Variants in IFRD1 observed in about 807,000 individuals in gnomAD.
IFRD1 encodes the protein interferon-related developmental regulator 1.
A neutral mutation model predicts 52.9 loss-of-function variants in IFRD1; 35 were observed. The observed-to-expected ratio is 0.66, with a 90% CI of 0.51 to 0.88. The LOEUF (loss-of-function observed/expected upper bound fraction) is 0.88, where lower values mean the gene tolerates loss of function less well. IFRD1 is among the 40% of genes least tolerant of loss of function. The probability of loss-of-function intolerance (pLI) is 0.00; values close to 1 mark genes in which losing one functional copy is unlikely to be tolerated. For missense variants in IFRD1, 517 were observed against 550.8 expected, an observed-to-expected ratio of 0.94 and a Z score of 0.61; for synonymous variants, 184 against 188.4, an observed-to-expected ratio of 0.98 and a Z score of 0.19.
Position 112,456,129 on chromosome 7 carries a change from G to C in IFRD1, c.284+43G>C, listed in dbSNP as rs755383945. The C allele has an allele frequency of 2.8e-6, 3 of 1,069,710 alleles. No individual in the cohort carries two copies. The Admixed American group carries it at 5.1e-5, about 18-fold the overall frequency. The allele number at this position is 1,069,710 out of a possible 1,614,324, so 66.3% of individuals were successfully genotyped here. A position where few individuals can be genotyped will look rare whatever the true frequency, so the allele number is the denominator to read the frequency against. ...CTCCATTCTGTGTGAGTCTATGCTT[G>C]ATCTTAGTCAAAAGCTAAGAGAAAT... On this transcript the variant is annotated intron_variant, in intron 3 of 11. Coordinates refer to ENST00000403825, the MANE Select transcript of IFRD1 (RefSeq NM_001550.4).
intron 1 of IFRD1, chr7:112,437,259 T>C (rs1794724139): frequency 6.5e-6 from 1 of 154,826 alleles, no homozygotes; most frequent in South Asian, 2.0e-4. Flanking sequence ...TCAAAAAATA[T>C]GTATGGAGTG....
intron 1 of IFRD1, among the ~76,000 whole-genome samples, chr7:112,436,292 ACGTTTT>A (rs1794689331): frequency 6.6e-6 from 1 of 152,238 alleles, no homozygotes; most frequent in East Asian, 1.9e-4. Flanking sequence ...TTCAAGGAAC[ACGTTTT>A]AACTATGAAT....
Position 112,475,506 on chromosome 7 carries a change from G to A in IFRD1, c.1343G>A (p.Gly448Glu). The A allele has an allele frequency of 6.2e-7, 1 of 1,601,806 alleles. No individual in the cohort carries two copies. Among genetic ancestry groups the A allele is most frequent in the East Asian group, 2.2e-5 (1 of 44,752 alleles). The change falls in exon 12 of 12, where the codon GGA becomes GAA. Residue 448 changes from glycine (G) to glutamate (E), a missense_variant. Transcript: ENST00000403825. Reference sequence around the variant, plus strand: ...TGTCGAGATAAGAGAGCAGATGTTGGAGAATTCTTCTAGATTTTCAGAACT... The same window carrying A: ...TGTCGAGATAAGAGAGCAGATGTTGAAGAATTCTTCTAGATTTTCAGAACT... ...SKCRDKRADV[G>E]EFF
At chr7:112,465,772 A>G (rs1014773130) in intron 8 of IFRD1, among the ~76,000 whole-genome samples, 13 of 152,142 alleles carry the variant, frequency 8.5e-5, no homozygotes, top group African/African-American at 3.1e-4. Flanking sequence ...TGCAAAACCT[A>G]TGTCTTAAAT....
intron 1 of IFRD1, among the ~76,000 whole-genome samples, chr7:112,444,159 C>A (rs1324577812): frequency 6.6e-6 from 1 of 152,140 alleles, no homozygotes; most frequent in Non-Finnish European, 1.5e-5. Context: ...GCTCACAGTA[C>A]CCTGTTAACA....
chr7:112,469,991 A>G (rs1055796559), intron 9 of IFRD1, among the ~76,000 whole-genome samples: 15 of 149,086 alleles, frequency 1.0e-4, no homozygotes, highest in African/African-American at 3.2e-4. Flanking sequence ...TGGAGCACCC[A>G]GCTTCTCGGA....
chr7:112,452,556 G>C (rs1335244293), intron 1 of IFRD1: 1 of 565,000 alleles, frequency 1.8e-6, no homozygotes, highest in African/African-American at 2.0e-5. Context: ...AAATGGAAAA[G>C]TTTGAAAGCT....
chr7:112,449,355 A>G (rs1397218729), upstream of IFRD1, among the ~76,000 whole-genome samples: 1 of 152,212 alleles, frequency 6.6e-6, no homozygotes, highest in Non-Finnish European at 1.5e-5. Context: ...TACAGTGAAC[A>G]AAGGGAAGAC....
chr7:112,424,470 A>G (rs1301169947), intron 1 of IFRD1, among the ~76,000 whole-genome samples: 4 of 151,414 alleles, frequency 2.6e-5, no homozygotes, highest in Non-Finnish European at 5.9e-5. Flanking sequence ...GCTGGAGTGC[A>G]ATGGCACGAT....
rs547906795 is a variant in IFRD1 at position 112,450,491 on chromosome 7, A to G, written c.-198A>G. 106 of 618,400 alleles carry G rather than the reference A, an allele frequency of 1.7e-4. No homozygotes were observed. Among genetic ancestry groups the G allele is most frequent in the African/African-American group, 3.5e-4 (19 of 54,424 alleles). 38.3% of individuals were successfully genotyped at this position (618,400 alleles called of 1,614,324 possible). ...GCTCCCGCGCTAGAGAGAAACATGTATCGTTTTCGATCACAGCTCTTCACG... is the reference window on the plus strand; with the variant it reads ...GCTCCCGCGCTAGAGAGAAACATGTGTCGTTTTCGATCACAGCTCTTCACG... On this transcript the variant is annotated 5_prime_UTR_variant, in exon 1 of 12. Coordinates refer to ENST00000403825, the MANE Select transcript of IFRD1 (RefSeq NM_001550.4).
rs181903986 is a variant in IFRD1 at position 112,427,618 on chromosome 7, T to G, written c.-182+4186T>G. ...GAAAAACAACATAAACGATAGCTAT[T>G]GATCCCTTTTACTGATTATTCTGTC... On this transcript the variant is annotated intron_variant, in intron 1 of 12. Transcript: ENST00000005558. Among the ~76,000 whole-genome samples the G allele has an allele frequency of 3.3e-5, 5 of 152,340 alleles. No individual in the cohort carries two copies. In the East Asian group the frequency reaches 9.6e-4, roughly 29 times the overall value.
At chr7:112,447,626 G>A (rs989671562), upstream of IFRD1, among the ~76,000 whole-genome samples, 3 of 152,208 alleles carry the variant, frequency 2.0e-5, no homozygotes, top group Non-Finnish European at 4.4e-5. Flanking sequence ...TCTGGAGAAA[G>A]CCCTTTTTCC....
chr7:112,454,533 T>G (rs1795241178), intron 1 of IFRD1, among the ~76,000 whole-genome samples: 1 of 152,166 alleles, frequency 6.6e-6, no homozygotes, highest in African/African-American at 2.4e-5. Context: ...GTAGAAACTT[T>G]CCCTTAAAGG....
chr7:112,427,637 TTC>T (rs1419563505), intron 1 of IFRD1, among the ~76,000 whole-genome samples: 2 of 152,228 alleles, frequency 1.3e-5, no homozygotes, highest in Non-Finnish European at 2.9e-5. Context: ...TTACTGATTA[TTC>T]TGTCTTCTGT....
In IFRD1 at chr7:112,472,284, A is replaced by G. The variant is rs368397776; in HGVS notation, c.1107A>G (p.Val369=). 34 of 1,613,698 alleles carry G rather than the reference A, an allele frequency of 2.1e-5. No individual in the cohort carries two copies. Among genetic ancestry groups the G allele is most frequent in the Middle Eastern group, 1.6e-4 (1 of 6,082 alleles). ...GPERMYIDCW[V]KKHTYDTFKE... ...AACGCATGTATATTGATTGCTGGGTAAAAAAACACACCTATGACACCTTTA... is the reference window on the plus strand; with the variant it reads ...AACGCATGTATATTGATTGCTGGGTGAAAAAACACACCTATGACACCTTTA... The change falls in exon 10 of 12, where the codon GTA becomes GTG. Residue 369 remains valine, a synonymous_variant. Coordinates refer to ENST00000403825, the MANE Select transcript of IFRD1 (RefSeq NM_001550.4).
Position 112,453,321 on chromosome 7 carries a change from C to T in IFRD1, c.95-2442C>T, listed in dbSNP as rs773006220. Among the ~76,000 whole-genome samples, 46 of 152,104 alleles carry T rather than the reference C, an allele frequency of 3.0e-4. 1 individual carries two copies. The highest frequency in any genetic ancestry group is 5.9e-5 in the Non-Finnish European group (4 of 68,018). ...AAGAACAAAACCTTGTTAGTAAGCC[C>T]TCTAGAAATAAGTACTTTATGTGCC... On this transcript the variant is annotated intron_variant, in intron 1 of 11. Coordinates refer to ENST00000403825, the MANE Select transcript of IFRD1 (RefSeq NM_001550.4).
intron 9 of IFRD1, among the ~76,000 whole-genome samples, chr7:112,470,085 TTTTA>T (rs1215256907): frequency 6.6e-6 from 1 of 152,148 alleles, no homozygotes; most frequent in Non-Finnish European, 1.5e-5. Flanking sequence ...CACCATTTCT[TTTTA>T]TTTAAAACAT....
At chr7:112,462,623 T>G (rs758017988) in intron 8 of IFRD1, among the ~76,000 whole-genome samples, 1 of 152,156 alleles carries the variant, frequency 6.6e-6, no homozygotes, top group African/African-American at 2.4e-5. Flanking sequence ...AGAACTGAAG[T>G]TTAGGGATCC....
chr7:112,443,054 G>T (rs1445573095), intron 1 of IFRD1, among the ~76,000 whole-genome samples: 1 of 152,080 alleles, frequency 6.6e-6, no homozygotes, highest in Non-Finnish European at 1.5e-5. Flanking sequence ...TAATCACATT[G>T]AAACCAAGGC....
Sources: allele counts gnomAD v4.1 joint callset (sites outside exome capture counted in the v4.1 genomes callset), GRCh38; gene constraint gnomAD v4.1.1; transcripts MANE v1.5; gene names NCBI Gene and HGNC (gene_info 2026-07-23, HGNC 2026-07-21).